PRKCE: variants seen among roughly 807,000 people sequenced by gnomAD.
The protein encoded by PRKCE is protein kinase C epsilon type.
PRKCE carries 16 observed loss-of-function variants against 85.4 expected under a neutral mutation model. The observed-to-expected ratio is 0.19, with a 90% CI of 0.13 to 0.28. The LOEUF (loss-of-function observed/expected upper bound fraction) is 0.28. PRKCE is among the 10% of genes least tolerant of loss of function. The pLI is 1.00. For missense variants in PRKCE, 573 were observed against 975.2 expected (o/e 0.59, Z 5.49); for synonymous variants, 388 against 371.5 (o/e 1.04, Z -0.51).
intron 2 of PRKCE, among the ~76,000 whole-genome samples, chr2:45,921,598 C>T (rs1698254435): frequency 6.6e-6 from 1 of 152,188 alleles, no homozygotes; most frequent in African/African-American, 2.4e-5. Flanking sequence ...AGTGGTAGAG[C>T]TGGGTAAACT....
In PRKCE at chr2:46,001,579, C is replaced by G. The variant is rs768236669; in HGVS notation, c.966+33C>G. ...GCTGTTTGGTGGTGTTGCTGGAGCC[C>G]TTTTCAGGCTAGCATTTCTGTGCTG... is the stretch of plus-strand genomic sequence containing the variant. On this transcript the variant is annotated intron_variant, in intron 7 of 14. Coordinates refer to ENST00000306156, the MANE Select transcript of PRKCE (RefSeq NM_005400.3). This position sits in a 1 kb window ranked among gnomAD's most constrained non-coding sequence, Gnocchi z 4.4. 48 of 1,587,700 alleles carry G rather than the reference C, an allele frequency of 3.0e-5. 1 individual carries two copies. In the Admixed American group the frequency reaches 7.6e-4, roughly 25 times the overall value.
intron 1 of PRKCE, among the ~76,000 whole-genome samples, chr2:45,832,888 G>A (rs907948504): frequency 4.0e-4 from 61 of 152,244 alleles, no homozygotes; most frequent in African/African-American, 1.5e-3. Context: ...TCTTCACATA[G>A]GTAACACATG....
chr2:45,824,826 G>T (rs1361593426), intron 1 of PRKCE, among the ~76,000 whole-genome samples: 2 of 151,948 alleles, frequency 1.3e-5, no homozygotes, highest in Admixed American at 6.6e-5. Flanking sequence ...TGAATGAAGG[G>T]GGAAATTCTA....
chr2:46,025,916 C>T (rs925610714), intron 10 of PRKCE, among the ~76,000 whole-genome samples: 1 of 152,130 alleles, frequency 6.6e-6, no homozygotes. Context: ...ACTATGGGAA[C>T]CAGAGTGAGC....
At chr2:45,720,070 A>C (rs983073723) in intron 1 of PRKCE, among the ~76,000 whole-genome samples, 1 of 152,160 alleles carries the variant, frequency 6.6e-6, no homozygotes, top group Non-Finnish European at 1.5e-5. Flanking sequence ...AGTCACACAG[A>C]AACAGCATTC....
intron 6 of PRKCE, among the ~76,000 whole-genome samples, chr2:45,988,359 G>A (rs1558925910): frequency 6.6e-6 from 1 of 152,200 alleles, no homozygotes; most frequent in Non-Finnish European, 1.5e-5. Flanking sequence ...AACTGTCTGA[G>A]CCACACAGGT....
rs1367541137 is a variant in PRKCE, at chr2:46,186,763, T to G, written c.*1882T>G. 1.3e-5 allele frequency: 2 copies of G among 152,662 alleles called. No homozygotes were observed. The highest frequency in any genetic ancestry group is 4.8e-5 in the African/African-American group (2 of 41,472). The allele number at this position is 152,662 out of a possible 1,614,324, so 9.5% of individuals were successfully genotyped here. A position where few individuals can be genotyped will look rare whatever the true frequency, so the allele number is the denominator to read the frequency against. Reference sequence around the variant, plus strand: ...TTCAAAGCTCGGACAGTAACTATCTTGAGCCCATTAGAGAGTCTGTGTCCA... The same window carrying G: ...TTCAAAGCTCGGACAGTAACTATCTGGAGCCCATTAGAGAGTCTGTGTCCA... On this transcript the variant is annotated 3_prime_UTR_variant, in exon 15 of 15. Transcript: ENST00000306156.
chr2:45,763,057 T>C (rs1437821306), intron 1 of PRKCE, among the ~76,000 whole-genome samples: 1 of 151,956 alleles, frequency 6.6e-6, no homozygotes, highest in Non-Finnish European at 1.5e-5. Flanking sequence ...GTTCACACCA[T>C]TCTCCTGCCT....
intron 1 of PRKCE, among the ~76,000 whole-genome samples, chr2:45,818,365 A>G (rs1392700389): frequency 6.6e-6 from 1 of 152,124 alleles, no homozygotes; most frequent in Non-Finnish European, 1.5e-5. Flanking sequence ...TTGAAACTTG[A>G]CTTTCCTCTG....
At chr2:45,956,740 G>C (rs1032278932) in intron 2 of PRKCE, among the ~76,000 whole-genome samples, 6 of 152,118 alleles carry the variant, frequency 3.9e-5, no homozygotes, top group Non-Finnish European at 2.9e-5. Context: ...GGACCATTTT[G>C]TATTCTGACC....
chr2:46,047,360 G>C (rs1284847230), intron 10 of PRKCE, among the ~76,000 whole-genome samples: 1 of 152,218 alleles, frequency 6.6e-6, no homozygotes, highest in African/African-American at 2.4e-5. Flanking sequence ...CTGATGCCTG[G>C]TGATGAAAGT....
chr2:45,661,800 A>C (rs1407405570), intron 1 of PRKCE, among the ~76,000 whole-genome samples: 1 of 151,930 alleles, frequency 6.6e-6, no homozygotes, highest in Non-Finnish European at 1.5e-5. Flanking sequence ...TGGCCTCCCA[A>C]AGTGCTGGAA....
chr2:45,975,142 CGCTTTGCATACCT>C lies in PRKCE; in HGVS notation c.413-1285_413-1273del, dbSNP rs63749085. 2.2e-3 allele frequency among the ~76,000 whole-genome samples: 329 copies of C among 152,240 alleles called. 3 individuals are homozygous for C. The highest frequency in any genetic ancestry group is 7.5e-3 in the African/African-American group (313 of 41,534). On this transcript the variant is annotated intron_variant, in intron 2 of 14. Coordinates refer to ENST00000306156, the MANE Select transcript of PRKCE (RefSeq NM_005400.3). Reference sequence around the variant, plus strand: ...AGTAGGTTACTTAAACTCTATTCTTCGCTTTGCATACCTGTAAAATGGGGCTAATAGCAGTACC... The same window carrying C: ...AGTAGGTTACTTAAACTCTATTCTTCGTAAAATGGGGCTAATAGCAGTACC...
chr2:46,156,261 C>G, intron 13 of PRKCE, among the ~76,000 whole-genome samples: 1 of 151,910 alleles, frequency 6.6e-6, no homozygotes, highest in East Asian at 1.9e-4. Context: ...GCCCTTTTTG[C>G]CTAGGTACAT....
At chr2:45,878,874 T>G (rs1694671041) in intron 2 of PRKCE, among the ~76,000 whole-genome samples, 1 of 152,242 alleles carries the variant, frequency 6.6e-6, no homozygotes, top group Non-Finnish European at 1.5e-5. Flanking sequence ...AAGCAAAGTT[T>G]GCTCTTGCTT....
rs149926697 is a variant in PRKCE at position 46,085,349 on chromosome 2, T to G, written c.1438-859T>G. 2.8e-4 allele frequency among the ~76,000 whole-genome samples: 43 copies of G among 152,318 alleles called. No homozygotes were observed. In the East Asian group the frequency reaches 8.1e-3, roughly 29 times the overall value. ...GGGGGTTCACAGTCTTGATTCCACA[T>G]TGCAATCTATTGGTCTCCTGGGACT... On this transcript the variant is annotated intron_variant, in intron 10 of 14. Coordinates refer to ENST00000306156, the MANE Select transcript of PRKCE (RefSeq NM_005400.3).
chr2:46,099,063 C>T (rs1275687854), intron 11 of PRKCE, among the ~76,000 whole-genome samples: 1 of 152,146 alleles, frequency 6.6e-6, no homozygotes, highest in Non-Finnish European at 1.5e-5. Context: ...CACCTTCTCT[C>T]TCCTTGCTTC....
chr2:45,808,261 G>A (rs182663439), intron 1 of PRKCE, among the ~76,000 whole-genome samples: 35 of 152,272 alleles, frequency 2.3e-4, no homozygotes, highest in African/African-American at 8.2e-4. Context: ...GAGCACTGGA[G>A]TAGGGCACAT....
rs1242553410 is a variant in PRKCE, at chr2:46,138,820, G to A, written c.1593-6273G>A. On this transcript the variant is annotated intron_variant, in intron 11 of 14. Coordinates refer to ENST00000306156, the MANE Select transcript of PRKCE (RefSeq NM_005400.3). This position sits in a 1 kb window ranked among gnomAD's most constrained non-coding sequence, Gnocchi z 4.2. Reference sequence around the variant, plus strand: ...GCTAGTAAACATCCTGTAGTACACAGCACAGCCCCCCACAACACAGGATTA... The same window carrying A: ...GCTAGTAAACATCCTGTAGTACACAACACAGCCCCCCACAACACAGGATTA... Among the ~76,000 whole-genome samples, 1 of 152,136 alleles carries A rather than the reference G, an allele frequency of 6.6e-6. No individual in the cohort carries two copies. Among genetic ancestry groups the A allele is most frequent in the African/African-American group, 2.4e-5 (1 of 41,414 alleles).
Sources: gnomAD v4.1 joint callset for allele counts (sites outside exome capture counted in the v4.1 genomes callset) on GRCh38, gnomAD v4.1.1 for gene constraint, Gnocchi (gnomAD v3.1) non-coding constraint, MANE v1.5 for transcripts, NCBI Gene and HGNC (gene_info 2026-07-23, HGNC 2026-07-21) for gene names.